The following MAML3 variants were observed in gnomAD, a reference collection of about 807,000 sequenced individuals.
MAML3 encodes mastermind like transcriptional coactivator 3, also known as mastermind-like protein 3.
A neutral mutation model predicts 101.9 loss-of-function variants in MAML3; 27 were observed. The ratio of observed to expected loss-of-function variants is 0.27; its 90% confidence interval spans 0.20 to 0.37. The LOEUF (loss-of-function observed/expected upper bound fraction) is 0.37, where lower values mean the gene tolerates loss of function less well. MAML3 is among the 10% of genes least tolerant of loss of function. MAML3 has a pLI of 1.00. For synonymous variants in MAML3, 501 were observed against 555.9 expected (o/e 0.90, Z 1.39); for missense variants, 1,316 against 1,444.9 (o/e 0.91, Z 1.45).
In MAML3 at chr4:139,890,771, T is replaced by A; in HGVS notation, c.665A>T (p.Asp222Val). 6.2e-7 allele frequency: 1 copy of A among 1,613,908 alleles called. No individual in the cohort carries two copies. Among genetic ancestry groups the A allele is most frequent in the Non-Finnish European group, 8.5e-7 (1 of 1,179,820 alleles). The change falls in exon 2 of 5, where the codon GAC becomes GTC. Residue 222 changes from aspartate (D) to valine (V), a missense_variant. Coordinates refer to ENST00000509479, the MANE Select transcript of MAML3 (RefSeq NM_018717.5). The surrounding 1 kb of genome is among the most constrained non-coding windows in gnomAD (Gnocchi z 4.1). ...LPSASPLHQL[D>V]LKPSLPLQNS... ...CTGCAAGGGCAAAGAAGGTTTCAGGTCAAGTTGGTGAAGAGGAGAAGCTGA... is the reference window on the plus strand; with the variant it reads ...CTGCAAGGGCAAAGAAGGTTTCAGGACAAGTTGGTGAAGAGGAGAAGCTGA...
At chr4:140,142,286 AAG>A (rs1316184710) in intron 1 of MAML3, among the ~76,000 whole-genome samples, 1 of 152,198 alleles carries the variant, frequency 6.6e-6, no homozygotes, top group Non-Finnish European at 1.5e-5. Flanking sequence ...GGTCTGGAGA[AAG>A]AGATTCCAGA....
In MAML3 at chr4:140,095,929, C is replaced by T. The variant is rs542549250; in HGVS notation, c.468+56931G>A. Among the ~76,000 whole-genome samples, 7 of 152,352 alleles carry T rather than the reference C, an allele frequency of 4.6e-5. No individual in the cohort carries two copies. In the South Asian group the frequency reaches 1.4e-3, roughly 32 times the overall value. On this transcript the variant is annotated intron_variant, in intron 1 of 4. Coordinates refer to ENST00000509479, the MANE Select transcript of MAML3 (RefSeq NM_018717.5). ...TACACATTTCTGTCATTGGATCAAG[C>T]TCCTAAAGGGCAGGGACTGGGTAAT...
intron 1 of MAML3, among the ~76,000 whole-genome samples, chr4:140,096,622 G>C (rs1166907871): frequency 6.6e-6 from 1 of 152,142 alleles, no homozygotes; most frequent in Non-Finnish European, 1.5e-5. Flanking sequence ...GGTGGCAAGA[G>C]GCTGCTGGGG....
rs77590454 is a variant in MAML3, at chr4:139,802,997, G to A, written c.2080-72330C>T. Among the ~76,000 whole-genome samples, 1,060 of 152,264 alleles carry A rather than the reference G, an allele frequency of 7.0e-3. 19 individuals are homozygous for A. Among genetic ancestry groups the A allele is most frequent in the African/African-American group, 0.024 (1,013 of 41,546 alleles). On this transcript the variant is annotated intron_variant, in intron 2 of 4. Transcript: ENST00000509479. Reference sequence around the variant, plus strand: ...ATTACATATTATGGTGCTGAGAAACGGTATAACTATTTCTCTTTATAAATG... The same window carrying A: ...ATTACATATTATGGTGCTGAGAAACAGTATAACTATTTCTCTTTATAAATG...
chr4:139,981,937 G>T lies in MAML3; in HGVS notation c.469-90970C>A, dbSNP rs559543847. On this transcript the variant is annotated intron_variant, in intron 1 of 4. Transcript: ENST00000509479. ...CATGATTTATCACGACTGATGTGAA[G>T]CTTCATCATCTGGCTGAGGGAGTAT... Among the ~76,000 whole-genome samples the T allele has an allele frequency of 9.5e-4, 145 of 152,276 alleles. 1 individual carries two copies. The highest frequency in any genetic ancestry group is 3.2e-3 in the African/African-American group (135 of 41,562).
At chr4:139,801,052 T>G (rs564161039) in intron 2 of MAML3, among the ~76,000 whole-genome samples, 1 of 152,182 alleles carries the variant, frequency 6.6e-6, no homozygotes, top group African/African-American at 2.4e-5. Context: ...ACAGATCCAG[T>G]TGGAATCTGC....
intron 2 of MAML3, among the ~76,000 whole-genome samples, chr4:139,855,219 T>C (rs1008746230): frequency 6.6e-6 from 1 of 152,234 alleles, no homozygotes; most frequent in Non-Finnish European, 1.5e-5. Flanking sequence ...TATTTGAATA[T>C]GAACTTCATC....
At chr4:139,765,573 AG>A (rs1472712842) in intron 2 of MAML3, among the ~76,000 whole-genome samples, 2 of 152,220 alleles carry the variant, frequency 1.3e-5, no homozygotes, top group Non-Finnish European at 2.9e-5. Flanking sequence ...CTTCATTTCA[AG>A]GTTTTTTTGG....
rs992686149 is a variant in MAML3, at chr4:140,004,067, G to A, written c.469-113100C>T. ...GCACTTTAAGGTAAGGCTGCACCAA[G>A]CCCTTAATGCTTTACTTTGCACGAG... On this transcript the variant is annotated intron_variant, in intron 1 of 4. Transcript: ENST00000509479. 4.6e-5 allele frequency among the ~76,000 whole-genome samples: 7 copies of A among 152,350 alleles called. No individual in the cohort carries two copies. In the East Asian group the frequency reaches 1.2e-3, roughly 25 times the overall value.
intron 3 of MAML3, among the ~76,000 whole-genome samples, chr4:139,727,623 T>C (rs1452767872): frequency 6.6e-6 from 1 of 152,266 alleles, no homozygotes; most frequent in Non-Finnish European, 1.5e-5. Context: ...AGAATGTTTC[T>C]AAGTTCTGTC....
At chr4:140,117,283 A>G (rs912050778) in intron 1 of MAML3, among the ~76,000 whole-genome samples, 3 of 152,162 alleles carry the variant, frequency 2.0e-5, no homozygotes, top group Admixed American at 6.5e-5. Flanking sequence ...ATTTTCTTAC[A>G]CACTTACTAT....
chr4:140,121,565 T>G (rs1051138551), intron 1 of MAML3, among the ~76,000 whole-genome samples: 2 of 152,250 alleles, frequency 1.3e-5, no homozygotes, highest in Non-Finnish European at 2.9e-5. Flanking sequence ...TGATTTAGCC[T>G]ACGCTGATAC....
At chr4:139,913,971 A>T (rs1348774221) in intron 1 of MAML3, among the ~76,000 whole-genome samples, 1 of 152,208 alleles carries the variant, frequency 6.6e-6, no homozygotes, top group African/African-American at 2.4e-5. Context: ...TGCAATTGTA[A>T]AGAAAAAACA....
At chr4:139,863,628 T>C (rs1403524986) in intron 2 of MAML3, among the ~76,000 whole-genome samples, 1 of 152,104 alleles carries the variant, frequency 6.6e-6, no homozygotes, top group Non-Finnish European at 1.5e-5. Flanking sequence ...TGAGCCACCG[T>C]GCCCAGCTGC....
intron 1 of MAML3, among the ~76,000 whole-genome samples, chr4:139,905,353 G>A (rs1732802137): frequency 1.3e-5 from 2 of 152,008 alleles, no homozygotes; most frequent in East Asian, 1.9e-4. Flanking sequence ...TTAGCTGGGT[G>A]TGGTGGTGGG....
chr4:139,753,018 C>T (rs1441602914), intron 2 of MAML3, among the ~76,000 whole-genome samples: 1 of 152,164 alleles, frequency 6.6e-6, no homozygotes, highest in Admixed American at 6.5e-5. Context: ...AGAATTTATT[C>T]TTCCTGTCTT....
At chr4:139,725,118 T>A (rs17050891) in intron 4 of MAML3, among the ~76,000 whole-genome samples, 120 of 152,100 alleles carry the variant, frequency 7.9e-4, no homozygotes, top group Middle Eastern at 3.4e-3. Flanking sequence ...TCCACATTTA[T>A]AAAGGAGTGC....
intron 2 of MAML3, among the ~76,000 whole-genome samples, chr4:139,858,452 CTTTTTT>C (rs59968954): frequency 0.28 from 36,930 of 131,382 alleles, 5,517 homozygotes; most frequent in East Asian, 0.66. Flanking sequence ...TGATTCTTGG[CTTTTTT>C]TTTTTTTTTT....
At chr4:139,882,803 C>T (rs1336451508) in intron 2 of MAML3, among the ~76,000 whole-genome samples, 11 of 152,074 alleles carry the variant, frequency 7.2e-5, no homozygotes, top group Admixed American at 4.6e-4. Context: ...GAGCCAAGAT[C>T]GAGCCACTGC....
Sources: gnomAD v4.1 joint callset for allele counts (sites outside exome capture counted in the v4.1 genomes callset) on GRCh38, gnomAD v4.1.1 for gene constraint, Gnocchi (gnomAD v3.1) non-coding constraint, MANE v1.5 for transcripts, NCBI Gene and HGNC (gene_info 2026-07-23, HGNC 2026-07-21) for gene names.